The following SEL1L3 variants were observed in gnomAD, a reference collection of about 807,000 sequenced individuals.
The protein encoded by SEL1L3 is protein sel-1 homolog 3.
SEL1L3 carries 76 observed loss-of-function variants against 142.8 expected under a neutral mutation model. That is an observed-to-expected ratio of 0.53 (90% confidence interval 0.44 to 0.64). The LOEUF (loss-of-function observed/expected upper bound fraction) is 0.64, where lower values mean the gene tolerates loss of function less well. Ranked by LOEUF, SEL1L3 falls within the 30% of genes least tolerant of loss-of-function variation. SEL1L3 has a pLI of 0.00. For synonymous variants in SEL1L3, 504 were observed against 519.6 expected (o/e 0.97, Z 0.41); for missense variants, 1,262 against 1,381.7 (o/e 0.91, Z 1.37).
intron 17 of SEL1L3, among the ~76,000 whole-genome samples, 170 bp from the exon 18 acceptor site, chr4:25,768,000 A>G (rs1560285004): frequency 6.6e-6 from 1 of 152,116 alleles, no homozygotes; most frequent in African/African-American, 2.4e-5. Context: ...GCATGCACTG[A>G]TTTATTTTCT....
Position 25,757,527 on chromosome 4 carries a change from T to C in SEL1L3, c.3259+7A>G, listed in dbSNP as rs1312206912. 2 of 1,482,418 alleles carry C rather than the reference T, an allele frequency of 1.3e-6. No individual in the cohort carries two copies. The highest frequency in any genetic ancestry group is 9.1e-7 in the Non-Finnish European group (1 of 1,098,662). The allele number at this position is 1,482,418 out of a possible 1,614,324, so 91.8% of individuals were successfully genotyped here. A position where few individuals can be genotyped will look rare whatever the true frequency, so the allele number is the denominator to read the frequency against. On this transcript the variant is annotated splice_region_variant and intron_variant, in intron 23 of 23. Transcript: ENST00000399878. ...ATATATTGCTTTCGCTTTTTATAAA[T>C]CTTTACCTGAGACAGACTGGAAATA...
At chr4:25,812,390 GTCGACTTTCCTGATTT>G (rs1161746215) in intron 9 of SEL1L3, among the ~76,000 whole-genome samples, 3 of 152,178 alleles carry the variant, frequency 2.0e-5, no homozygotes, top group Non-Finnish European at 4.4e-5. Context: ...CATAATGACT[GTCGACTTTCCTGATTT>G]CACAGTAGAG....
At chr4:25,736,730 C>G in the SEL1L3 span, among the ~76,000 whole-genome samples, 1 of 152,130 alleles carries the variant, frequency 6.6e-6, no homozygotes, top group Non-Finnish European at 1.5e-5. Context: ...TGTTCTATTA[C>G]TGAGAGAAGT....
At chr4:25,831,713 C>T (rs555336293) in intron 5 of SEL1L3, among the ~76,000 whole-genome samples, 5 of 151,850 alleles carry the variant, frequency 3.3e-5, no homozygotes, top group Admixed American at 1.3e-4. Flanking sequence ...TTACCAGAGA[C>T]GGGGTTTCAC....
intron 14 of SEL1L3, among the ~76,000 whole-genome samples, chr4:25,782,661 A>T (rs528740548): frequency 6.6e-6 from 1 of 152,136 alleles, no homozygotes; most frequent in African/African-American, 2.4e-5. Context: ...CAGCAATGTT[A>T]TCCCCCAAAT....
chr4:25,803,067 T>C (rs1337049693), intron 10 of SEL1L3, among the ~76,000 whole-genome samples: 1 of 152,200 alleles, frequency 6.6e-6, no homozygotes, highest in African/African-American at 2.4e-5. Context: ...AAGTCCCCTG[T>C]TCTGTTTCAG....
chr4:25,741,074 T>C, the SEL1L3 span, among the ~76,000 whole-genome samples: 1 of 151,412 alleles, frequency 6.6e-6, no homozygotes, highest in Admixed American at 6.6e-5. Flanking sequence ...CATGAGCCAC[T>C]GCACCTGGCC....
the SEL1L3 span, among the ~76,000 whole-genome samples, chr4:25,726,551 A>T: frequency 2.0e-5 from 3 of 151,644 alleles, no homozygotes; most frequent in African/African-American, 7.3e-5. Flanking sequence ...AAAAACCCAA[A>T]AAAAAACCTG....
intron 23 of SEL1L3, 120 bp from the exon 24 acceptor site, chr4:25,748,684 C>T: frequency 9.9e-7 from 1 of 1,011,338 alleles, no homozygotes; most frequent in Non-Finnish European, 1.4e-6. Flanking sequence ...GAACCTGACA[C>T]TAACTAGCCA....
the SEL1L3 span, among the ~76,000 whole-genome samples, chr4:25,734,743 G>T: frequency 6.0e-5 from 9 of 150,932 alleles, no homozygotes; most frequent in African/African-American, 1.7e-4. Context: ...TGATTTTTGT[G>T]TTTTTAGTAG....
At chr4:25,727,121 C>T in the SEL1L3 span, among the ~76,000 whole-genome samples, 1 of 151,658 alleles carries the variant, frequency 6.6e-6, no homozygotes, top group Admixed American at 6.6e-5. Flanking sequence ...GGTGGGATCT[C>T]GGTTCACTGC....
chr4:25,783,793 T>A (rs1711586430), intron 14 of SEL1L3, among the ~76,000 whole-genome samples: 1 of 152,320 alleles, frequency 6.6e-6, no homozygotes, highest in South Asian at 2.1e-4. Flanking sequence ...TAAACAGCCC[T>A]GTTATCAATG....
At chr4:25,816,099 T>C (rs1466542099) in intron 9 of SEL1L3, among the ~76,000 whole-genome samples, 1 of 147,064 alleles carries the variant, frequency 6.8e-6, no homozygotes, top group Non-Finnish European at 1.5e-5. Flanking sequence ...ATATATTATA[T>C]ATTTATATAT....
intron 23 of SEL1L3, among the ~76,000 whole-genome samples, chr4:25,749,384 G>A (rs992442271): frequency 1.3e-5 from 2 of 151,972 alleles, no homozygotes; most frequent in Non-Finnish European, 2.9e-5. Context: ...AAAAAAAAGT[G>A]CCAATGTGTA....
At chr4:25,777,693 G>GA in intron 16 of SEL1L3, 2 of 390,860 alleles carry the variant, frequency 5.1e-6, no homozygotes, top group South Asian at 1.9e-5. Flanking sequence ...GAGGATAACA[G>GA]AAAATCCACA....
At chr4:25,738,881 G>A in the SEL1L3 span, among the ~76,000 whole-genome samples, 1 of 152,138 alleles carries the variant, frequency 6.6e-6, no homozygotes, top group African/African-American at 2.4e-5. Flanking sequence ...AGGGCAGTTT[G>A]GCTCCCTCTA....
chr4:25,847,551 T>C lies in SEL1L3; in HGVS notation c.476A>G (p.Asp159Gly). The C allele has an allele frequency of 6.2e-7, 1 of 1,613,912 alleles. No individual in the cohort carries two copies. Residue 159 changes from aspartate to glycine, a missense_variant, in exon 2 of 24, where the codon GAT becomes GGT. Asp to Gly is a moderately conservative substitution (Grantham distance 94, BLOSUM62 -1). This residue lies in a region of SEL1L3 where 689 missense variants were observed against 692.8 expected (regional missense o/e 0.99). Transcript: ENST00000399878. ...AGAGATGGAATGTCTGATGAAATAA[T>C]CATCTCTGTAAACCATAATGCTTGG... ...KFPSIMVYRD[D>G]YFIRHSISVS...
At chr4:25,843,547 G>A (rs181181917) in intron 2 of SEL1L3, among the ~76,000 whole-genome samples, 14 of 152,172 alleles carry the variant, frequency 9.2e-5, no homozygotes, top group East Asian at 1.9e-4. Context: ...TGACTCCAGC[G>A]TGAGTCAGGC....
chr4:25,719,117 G>T, the SEL1L3 span: 6 of 152,058 alleles, frequency 3.9e-5, no homozygotes, highest in Admixed American at 3.9e-4. Flanking sequence ...CGTAGGTTGC[G>T]GTGAGCCGAG....
Sources: gnomAD v4.1 joint callset for allele counts (sites outside exome capture counted in the v4.1 genomes callset) on GRCh38, gnomAD v4.1.1 for gene constraint, gnomAD v4.1.1 regional missense constraint, MANE v1.5 for transcripts, NCBI Gene and HGNC (gene_info 2026-07-23, HGNC 2026-07-21) for gene names.